Variants in PTK2B observed in about 807,000 individuals in gnomAD.
The protein encoded by PTK2B is protein tyrosine kinase 2 beta.
PTK2B carries 71 observed loss-of-function variants against 142.9 expected under a neutral mutation model. The ratio of observed to expected loss-of-function variants is 0.50; its 90% CI spans 0.41 to 0.61. PTK2B has a LOEUF of 0.61. Ranked by LOEUF, PTK2B falls within the 20% of genes least tolerant of loss-of-function variation. The pLI is 0.00. For synonymous variants in PTK2B, 519 were observed against 503.4 expected, an observed-to-expected ratio of 1.03 and a Z score of -0.42; for missense variants, 1,105 against 1,320.4, an observed-to-expected ratio of 0.84 and a Z score of 2.53.
chr8:27,456,732 G>A (rs530241213), intron 30 of PTK2B, among the ~76,000 whole-genome samples: 1 of 152,312 alleles, frequency 6.6e-6, no homozygotes, highest in African/African-American at 2.4e-5. Context: ...TAGCCACGTT[G>A]TGAATGCAAA....
At chr8:27,356,408 G>C (rs925491418) in intron 1 of PTK2B, among the ~76,000 whole-genome samples, 1 of 152,180 alleles carries the variant, frequency 6.6e-6, no homozygotes, top group Non-Finnish European at 1.5e-5. Context: ...CAGAATACTT[G>C]GTGTTTTACT....
chr8:27,421,292 A>ATTTAT (rs2131844548), intron 4 of PTK2B, among the ~76,000 whole-genome samples: 1 of 65,270 alleles, frequency 1.5e-5, no homozygotes, highest in East Asian at 3.6e-4. Flanking sequence ...TTATTTATTT[A>ATTTAT]TTTATTTATT....
At chr8:27,411,489 A>C (rs1809060864) in intron 2 of PTK2B, among the ~76,000 whole-genome samples, 1 of 152,178 alleles carries the variant, frequency 6.6e-6, no homozygotes, top group Non-Finnish European at 1.5e-5. Context: ...TTGCATAGTG[A>C]GTATGTCATA....
intron 1 of PTK2B, among the ~76,000 whole-genome samples, chr8:27,345,024 A>G (rs1451060062): frequency 3.9e-5 from 6 of 152,178 alleles, no homozygotes; most frequent in Admixed American, 3.3e-4. Context: ...TTAGCCAGAC[A>G]TGGTGGTGGG....
intron 20 of PTK2B, 65 bp from the exon 21 acceptor site, chr8:27,440,172 T>C: frequency 6.6e-7 from 1 of 1,512,750 alleles, no homozygotes; most frequent in South Asian, 1.1e-5. Context: ...CTAATGGCGA[T>C]GGTGCTTCTG....
At chr8:27,327,664 A>G (rs986805820) in intron 1 of PTK2B, among the ~76,000 whole-genome samples, 2 of 152,216 alleles carry the variant, frequency 1.3e-5, no homozygotes, top group Non-Finnish European at 2.9e-5. Flanking sequence ...CATTTAAAAA[A>G]CAAAAAATCA....
intron 2 of PTK2B, among the ~76,000 whole-genome samples, chr8:27,419,265 G>A (rs1448660276): frequency 6.6e-6 from 1 of 152,180 alleles, no homozygotes; most frequent in Non-Finnish European, 1.5e-5. Context: ...CTCATGTGGG[G>A]ATTGTGGCAC....
Position 27,432,325 on chromosome 8 carries a change from GGCA to G in PTK2B, c.953_955del (p.Ala318del). The G allele has an allele frequency of 6.2e-7, 1 of 1,614,036 alleles. No individual in the cohort carries two copies. Among genetic ancestry groups the G allele is most frequent in the East Asian group, 2.2e-5 (1 of 44,870 alleles). On this transcript the variant is annotated inframe_deletion, in exon 10 of 31. Transcript: ENST00000346049. ...GGTGCCTCCCGCTGGAGGAGGGCCAGGCAGTACTTCAGCTGGGCATTGAAGGTG... is the reference window on the plus strand; with the variant it reads ...GGTGCCTCCCGCTGGAGGAGGGCCAGGTACTTCAGCTGGGCATTGAAGGTG...
At chr8:27,431,972 C>T (rs1810456391) in intron 9 of PTK2B, 3 of 362,012 alleles carry the variant, frequency 8.3e-6, no homozygotes, top group African/African-American at 2.1e-5. Flanking sequence ...TTTCTTAAAA[C>T]ATGTTGAGAT....
chr8:27,362,903 G>A lies in PTK2B; in HGVS notation c.-37-34645G>A, dbSNP rs1306524489. 2.0e-5 allele frequency among the ~76,000 whole-genome samples: 3 copies of A among 152,176 alleles called. No homozygotes were observed. The East Asian group carries it at 5.8e-4, about 29-fold the overall frequency. On this transcript the variant is annotated intron_variant, in intron 1 of 30. Transcript: ENST00000346049. Reference sequence around the variant, plus strand: ...CTCCCATGCGAAATCTTGAACCGCTGGGTGGAAATGAGGTTCAGTAGGTGC... The same window carrying A: ...CTCCCATGCGAAATCTTGAACCGCTAGGTGGAAATGAGGTTCAGTAGGTGC...
At chr8:27,332,154 G>T (rs1383522006) in intron 1 of PTK2B, among the ~76,000 whole-genome samples, 1 of 152,230 alleles carries the variant, frequency 6.6e-6, no homozygotes, top group African/African-American at 2.4e-5. Context: ...AGCTCAGGCA[G>T]TTTTTCAGCC....
intron 2 of PTK2B, among the ~76,000 whole-genome samples, chr8:27,406,834 CTT>C (rs1053269676): frequency 2.6e-5 from 4 of 152,206 alleles, no homozygotes; most frequent in African/African-American, 9.7e-5. Context: ...AAAAATAAAA[CTT>C]TACCTGTCAT....
chr8:27,378,021 A>G (rs973217359), intron 1 of PTK2B, among the ~76,000 whole-genome samples: 3 of 152,254 alleles, frequency 2.0e-5, no homozygotes, highest in South Asian at 2.1e-4. Flanking sequence ...CGAGGGAAGT[A>G]AAAACAAATT....
intron 3 of PTK2B, 97 bp from the exon 4 acceptor site, chr8:27,420,560 C>A: frequency 8.6e-7 from 1 of 1,159,128 alleles, no homozygotes; most frequent in Non-Finnish European, 1.3e-6. Context: ...CTTCCCTTTG[C>A]ACTAGGGGAT....
chr8:27,374,673 C>G (rs374497526), intron 1 of PTK2B, among the ~76,000 whole-genome samples: 2 of 152,196 alleles, frequency 1.3e-5, no homozygotes, highest in African/African-American at 4.8e-5. Flanking sequence ...GAGGCAGTTG[C>G]GAGTGTGGGC....
intron 2 of PTK2B, among the ~76,000 whole-genome samples, chr8:27,401,676 T>G (rs1808394575): frequency 6.6e-6 from 1 of 152,234 alleles, no homozygotes; most frequent in Non-Finnish European, 1.5e-5. Flanking sequence ...TTGGTTTTCA[T>G]TCCATCTCTT....
At chr8:27,372,448 C>T (rs1222332676) in intron 1 of PTK2B, among the ~76,000 whole-genome samples, 4 of 152,122 alleles carry the variant, frequency 2.6e-5, no homozygotes, top group African/African-American at 9.7e-5. Flanking sequence ...GGAGGAATTC[C>T]TTCTTACTCA....
chr8:27,327,711 G>T (rs576656795), intron 1 of PTK2B, among the ~76,000 whole-genome samples: 1 of 152,276 alleles, frequency 6.6e-6, no homozygotes, highest in African/African-American at 2.4e-5. Context: ...ACAGGTGAAG[G>T]AGTATGGTAC....
At chr8:27,321,235 A>G (rs1278562984), upstream of PTK2B, among the ~76,000 whole-genome samples, 1 of 151,958 alleles carries the variant, frequency 6.6e-6, no homozygotes, top group African/African-American at 2.4e-5. Context: ...GCCTCAAGCA[A>G]TCCTCCCACC....
Sources: allele counts gnomAD v4.1 joint callset (sites outside exome capture counted in the v4.1 genomes callset), GRCh38; gene constraint gnomAD v4.1.1; transcripts MANE v1.5; gene names NCBI Gene and HGNC (gene_info 2026-07-23, HGNC 2026-07-21).